The following CADPS variants were observed in gnomAD, a reference collection of about 807,000 sequenced individuals.
CADPS encodes calcium dependent secretion activator.
In CADPS, 57 loss-of-function variants were observed where a neutral mutation model predicts 167.3. The observed-to-expected ratio is 0.34, with a 90% CI of 0.28 to 0.42. CADPS has a LOEUF of 0.42. Ranked by LOEUF, CADPS falls within the 20% of genes least tolerant of loss-of-function variation. The pLI, the probability that CADPS is intolerant of heterozygous loss-of-function variation, is 1.00. For synonymous variants in CADPS, 676 were observed against 635.3 expected, an observed-to-expected ratio of 1.06 and a Z score of -0.96; for missense variants, 1,414 against 1,738.1, an observed-to-expected ratio of 0.81 and a Z score of 3.32.
chr3:62,484,981 T>C (rs2150933744), intron 21 of CADPS, among the ~76,000 whole-genome samples: 1 of 152,262 alleles, frequency 6.6e-6, no homozygotes, highest in Non-Finnish European at 1.5e-5. Context: ...GGCAGGGGCA[T>C]TCTCTAATAT....
chr3:62,598,830 G>T (rs2059279890), intron 6 of CADPS, among the ~76,000 whole-genome samples: 1 of 152,152 alleles, frequency 6.6e-6, no homozygotes. Context: ...ATCAACATGA[G>T]TTACCTCTGT....
At chr3:62,763,816 C>T (rs1378659678) in intron 2 of CADPS, among the ~76,000 whole-genome samples, 2 of 152,330 alleles carry the variant, frequency 1.3e-5, no homozygotes, top group South Asian at 2.1e-4. Context: ...TAATACCCCA[C>T]ATCCTTTCTT....
intron 6 of CADPS, among the ~76,000 whole-genome samples, chr3:62,642,544 A>G (rs1241818847): frequency 6.6e-6 from 1 of 152,210 alleles, no homozygotes; most frequent in Non-Finnish European, 1.5e-5. Flanking sequence ...GAGGCTTCTG[A>G]GTAAGTTAAA....
At chr3:62,829,012 C>T (rs1012345371) in intron 1 of CADPS, among the ~76,000 whole-genome samples, 2 of 152,138 alleles carry the variant, frequency 1.3e-5, no homozygotes, top group Non-Finnish European at 2.9e-5. Flanking sequence ...TGTGGACATG[C>T]TTAGTCTAGG....
intron 28 of CADPS, among the ~76,000 whole-genome samples, chr3:62,429,757 T>C (rs1285671019): frequency 4.0e-5 from 6 of 151,894 alleles, no homozygotes; most frequent in Admixed American, 1.3e-4. Flanking sequence ...GTGTGGGTCA[T>C]GTTAACAAGA....
intron 1 of CADPS, among the ~76,000 whole-genome samples, chr3:62,855,730 T>G (rs2079548214): frequency 6.6e-6 from 1 of 152,214 alleles, no homozygotes; most frequent in Admixed American, 6.5e-5. Context: ...ATTTCAACTT[T>G]GCCTTTATGC....
intron 1 of CADPS, among the ~76,000 whole-genome samples, chr3:62,865,973 C>G (rs1322981999): frequency 2.0e-5 from 3 of 152,052 alleles, no homozygotes; most frequent in Non-Finnish European, 4.4e-5. Flanking sequence ...GTAAATTAAA[C>G]AGCCTAATTT....
Position 62,748,344 on chromosome 3 carries a change from C to CAAAAAAAAAAAAAAAAA in CADPS, c.888+5080_888+5096dup. Among the ~76,000 whole-genome samples the CAAAAAAAAAAAAAAAAA allele has an allele frequency of 2.2e-3, 109 of 48,492 alleles. 4 individuals are homozygous for CAAAAAAAAAAAAAAAAA. Among genetic ancestry groups the CAAAAAAAAAAAAAAAAA allele is most frequent in the East Asian group, 7.4e-3 (6 of 812 alleles). The allele number at this position is 48,492 out of a possible 152,430, so 31.8% of individuals were successfully genotyped here. ...CTGGGCGAGAAGCGAGACTCCGTCTCAAAAAAAAAAAAAAAAAAAAAAAAA... is the reference window on the plus strand; with the variant it reads ...CTGGGCGAGAAGCGAGACTCCGTCTCAAAAAAAAAAAAAAAAAAAAAAAAAAAAAAAAAAAAAAAAAA... On this transcript the variant is annotated intron_variant, in intron 3 of 29. Coordinates refer to ENST00000383710, the MANE Select transcript of CADPS (RefSeq NM_003716.4).
At chr3:62,643,337 G>T (rs2067835068) in intron 6 of CADPS, among the ~76,000 whole-genome samples, 1 of 152,148 alleles carries the variant, frequency 6.6e-6, no homozygotes, top group African/African-American at 2.4e-5. Flanking sequence ...ACCACTGACT[G>T]ATTTCACTTG....
intron 4 of CADPS, among the ~76,000 whole-genome samples, chr3:62,651,678 C>G (rs1405091224): frequency 6.6e-6 from 1 of 152,192 alleles, no homozygotes; most frequent in East Asian, 1.9e-4. Context: ...GGTATCATAA[C>G]TGACCTCTAT....
chr3:62,666,689 A>T (rs115120228), intron 3 of CADPS, among the ~76,000 whole-genome samples: 223 of 152,318 alleles, frequency 1.5e-3, no homozygotes, highest in African/African-American at 4.9e-3. Flanking sequence ...CTTTAAAGTG[A>T]TGGAGAACTA....
intron 28 of CADPS, among the ~76,000 whole-genome samples, chr3:62,416,434 A>AAACGGTGAC (rs1193833802): frequency 5.9e-5 from 9 of 152,174 alleles, no homozygotes; most frequent in African/African-American, 1.9e-4. Flanking sequence ...TTATTTATTT[A>AAACGGTGAC]AACGGTGACA....
intron 4 of CADPS, among the ~76,000 whole-genome samples, chr3:62,652,007 C>G (rs2070281345): frequency 6.6e-6 from 1 of 152,136 alleles, no homozygotes; most frequent in East Asian, 1.9e-4. Context: ...AATCAGGGCT[C>G]AGGTGATATC....
intron 3 of CADPS, among the ~76,000 whole-genome samples, chr3:62,670,480 G>C (rs1436822382): frequency 6.6e-6 from 1 of 151,996 alleles, no homozygotes; most frequent in Non-Finnish European, 1.5e-5. Flanking sequence ...GAAGACCTTG[G>C]GTAGGTCAAA....
chr3:62,546,115 A>G lies in CADPS; in HGVS notation c.1966+3788T>C, dbSNP rs758088258. 4.7e-4 allele frequency among the ~76,000 whole-genome samples: 71 copies of G among 152,010 alleles called. 1 individual carries two copies. The highest frequency in any genetic ancestry group is 6.8e-4 in the Non-Finnish European group (46 of 68,012). On this transcript the variant is annotated intron_variant, in intron 11 of 29. Transcript: ENST00000383710. ...TGGAAGTCAAGGAAACCTTTTTAAA[A>G]TGCAATACTTGATTTTTTTTTTTTT...
chr3:62,558,132 T>C (rs918507176), intron 9 of CADPS, among the ~76,000 whole-genome samples: 3 of 152,254 alleles, frequency 2.0e-5, no homozygotes, highest in Admixed American at 6.5e-5. Flanking sequence ...GTCTTCTTCT[T>C]ATCTCAGACA....
intron 6 of CADPS, among the ~76,000 whole-genome samples, chr3:62,608,378 G>A (rs764469083): frequency 1.3e-5 from 2 of 151,690 alleles, no homozygotes; most frequent in Non-Finnish European, 2.9e-5. Context: ...CACCTCCCGG[G>A]CTCACGTGAT....
chr3:62,438,172 C>T lies in CADPS; in HGVS notation c.3709G>A (p.Val1237Ile), dbSNP rs756697221. 8 of 1,613,600 alleles carry T rather than the reference C, an allele frequency of 5.0e-6. No homozygotes were observed. Among genetic ancestry groups the T allele is most frequent in the African/African-American group, 2.7e-5 (2 of 74,876 alleles). The change falls in exon 28 of 30, where the codon GTC (valine) becomes ATC (isoleucine). Residue 1237 changes from valine (V) to isoleucine (I), a missense_variant. By Grantham distance (29) the Val-to-Ile change is conservative. This residue lies in a region of CADPS where 185 missense variants were observed against 251.5 expected (regional missense o/e 0.74). Transcript: ENST00000383710. The surrounding 1 kb of genome is among the most constrained non-coding windows in gnomAD (Gnocchi z 4.7). Reference protein sequence around the residue: ...MDVADAYVTFVRHSQDVLRDK... With the variant: ...MDVADAYVTFIRHSQDVLRDK... ...CGCAGGACATCCTGAGAATGGCGGA[C>T]GAAAGTCACGTAGGCGTCGGCCACG...
rs553254033 is a variant in CADPS, at chr3:62,601,107, T to C, written c.1326-8359A>G. 1.8e-3 allele frequency among the ~76,000 whole-genome samples: 275 copies of C among 152,318 alleles called. No individual in the cohort carries two copies. The highest frequency in any genetic ancestry group is 5.5e-3 in the African/African-American group (227 of 41,574). Reference sequence around the variant, plus strand: ...TTTTAGGATTATAGACCAGGGGTTGTTAAACTATGGCCATGGGTATGGGTC... The same window carrying C: ...TTTTAGGATTATAGACCAGGGGTTGCTAAACTATGGCCATGGGTATGGGTC... On this transcript the variant is annotated intron_variant, in intron 6 of 29. Transcript: ENST00000383710. The surrounding 1 kb of genome is among the most constrained non-coding windows in gnomAD (Gnocchi z 4.3).
Sources: gnomAD v4.1 joint callset for allele counts (sites outside exome capture counted in the v4.1 genomes callset) on GRCh38, gnomAD v4.1.1 for gene constraint, gnomAD v4.1.1 regional missense constraint, Gnocchi (gnomAD v3.1) non-coding constraint, MANE v1.5 for transcripts, NCBI Gene and HGNC (gene_info 2026-07-23, HGNC 2026-07-21) for gene names.